KLHL24: variants seen among roughly 807,000 people sequenced by gnomAD.
KLHL24 encodes kelch like family member 24, also known as kelch-like protein 24.
Under a neutral mutation model 53.4 loss-of-function variants are expected in KLHL24, and 29 were observed. That is an observed-to-expected ratio of 0.54 (90% CI 0.40 to 0.74). The LOEUF is 0.74. KLHL24 is among the 30% of genes least tolerant of loss of function. The probability of loss-of-function intolerance (pLI) is 0.00; values close to 1 mark genes in which losing one functional copy is unlikely to be tolerated. For synonymous variants in KLHL24, 222 were observed against 253.7 expected (o/e 0.88, Z 1.19); for missense variants, 504 against 744.0 (o/e 0.68, Z 3.75).
intron 2 of KLHL24, among the ~76,000 whole-genome samples, chr3:183,647,063 G>A (rs1474587412): frequency 6.7e-6 from 1 of 149,410 alleles, no homozygotes; most frequent in Non-Finnish European, 1.5e-5. Context: ...CACCCGCCTC[G>A]GTCTTCCAAA....
At chr3:183,672,940 A>G (rs1721541762) in intron 7 of KLHL24, 1 of 151,894 alleles carries the variant, frequency 6.6e-6, no homozygotes, top group Non-Finnish European at 1.5e-5. Context: ...GGTCGCGGTG[A>G]GCCGAGATCG....
chr3:183,659,943 G>A (rs1303005950), intron 3 of KLHL24, among the ~76,000 whole-genome samples: 5 of 152,056 alleles, frequency 3.3e-5, no homozygotes, highest in African/African-American at 9.7e-5. Flanking sequence ...AATAGCAACC[G>A]TTAATAGTAA....
At chr3:183,641,792 T>C (rs1187571939) in intron 1 of KLHL24, among the ~76,000 whole-genome samples, 1 of 152,178 alleles carries the variant, frequency 6.6e-6, no homozygotes, top group Non-Finnish European at 1.5e-5. Flanking sequence ...ATAGAATTTC[T>C]GCATTCTAAA....
At chr3:183,636,833 G>A (rs528684180) in intron 1 of KLHL24, among the ~76,000 whole-genome samples, 254 of 151,702 alleles carry the variant, frequency 1.7e-3, no homozygotes, top group Middle Eastern at 0.014. Flanking sequence ...CGGGAGGCGC[G>A]CGCTCCCGCC....
At chr3:183,676,073 A>C (rs1053188277) in intron 7 of KLHL24, among the ~76,000 whole-genome samples, 1 of 152,192 alleles carries the variant, frequency 6.6e-6, no homozygotes, top group African/African-American at 2.4e-5. Context: ...TTGAAGTTCA[A>C]ATCTAGTACT....
At position 183,682,083 on chromosome 3, in the gene KLHL24, A is replaced by T. The variant is rs893014406; in HGVS notation, c.*2797A>T. ...ATTTCTAGAACTTTTTACATTTGAA[A>T]GTACATGATGAGTATTAGTAACGAT... On this transcript the variant is annotated 3_prime_UTR_variant, in exon 8 of 8. Coordinates refer to ENST00000242810, the MANE Select transcript of KLHL24 (RefSeq NM_017644.3). 7 of 152,174 alleles carry T rather than the reference A, an allele frequency of 4.6e-5. No individual in the cohort carries two copies. The highest frequency in any genetic ancestry group is 1.0e-4 in the Non-Finnish European group (7 of 67,996). 9.4% of individuals were successfully genotyped at this position (152,174 alleles called of 1,614,324 possible).
rs78489709 is a variant in KLHL24, at chr3:183,649,810, C to G, written c.-61-486C>G. 2.0e-5 allele frequency among the ~76,000 whole-genome samples: 3 copies of G among 152,092 alleles called. No homozygotes were observed. In the South Asian group the frequency reaches 6.2e-4, roughly 32 times the overall value. On this transcript the variant is annotated intron_variant, in intron 2 of 7. Transcript: ENST00000242810. Reference sequence around the variant, plus strand: ...ACTCAGGAGGCTGAGGCAGGAAGATCGCTTGAGCCTAGGAGTTTGAGGTTA... The same window carrying G: ...ACTCAGGAGGCTGAGGCAGGAAGATGGCTTGAGCCTAGGAGTTTGAGGTTA...
chr3:183,642,828 TCA>T (rs1716661370), intron 1 of KLHL24: 3 of 142,378 alleles, frequency 2.1e-5, no homozygotes, highest in Non-Finnish European at 1.5e-5. Flanking sequence ...TATTCAAATA[TCA>T]CAGAGTGTAT....
chr3:183,674,287 C>CTT (rs1438876802), intron 7 of KLHL24, among the ~76,000 whole-genome samples: 2 of 149,514 alleles, frequency 1.3e-5, no homozygotes, highest in African/African-American at 5.0e-5. Flanking sequence ...TTCTTTCTTT[C>CTT]TTTCTTTCTT....
chr3:183,646,361 C>CAAA (rs35945634), intron 2 of KLHL24, among the ~76,000 whole-genome samples: 17 of 66,710 alleles, frequency 2.5e-4, no homozygotes, highest in East Asian at 4.2e-4. Context: ...GACTCCATCT[C>CAAA]AAAAAAAAAA....
intron 3 of KLHL24, among the ~76,000 whole-genome samples, chr3:183,655,355 G>A (rs1718695530): frequency 2.0e-5 from 3 of 152,180 alleles, no homozygotes; most frequent in Admixed American, 2.0e-4. Context: ...GGCCAGGTGT[G>A]GTAGCTCACA....
intron 5 of KLHL24, among the ~76,000 whole-genome samples, chr3:183,670,680 C>T (rs1253406510): frequency 6.6e-6 from 1 of 152,116 alleles, no homozygotes; most frequent in Non-Finnish European, 1.5e-5. Flanking sequence ...AGCAGTATTA[C>T]CCCCAAGGGG....
At chr3:183,668,764 G>C (rs1214936921) in intron 5 of KLHL24, among the ~76,000 whole-genome samples, 1 of 152,132 alleles carries the variant, frequency 6.6e-6, no homozygotes, top group Non-Finnish European at 1.5e-5. Flanking sequence ...AATTAGCTGG[G>C]CATAGTGGCG....
intron 3 of KLHL24, among the ~76,000 whole-genome samples, chr3:183,656,605 T>G (rs1718934250): frequency 6.6e-6 from 1 of 152,198 alleles, no homozygotes; most frequent in African/African-American, 2.4e-5. Context: ...CATCTCAGTA[T>G]GCTAAGTGCT....
rs1285772332 is a variant in KLHL24 at position 183,680,057 on chromosome 3, T to G, written c.*771T>G. 1 of 152,206 alleles carries G rather than the reference T, an allele frequency of 6.6e-6. No homozygotes were observed. Among genetic ancestry groups the G allele is most frequent in the Non-Finnish European group, 1.5e-5 (1 of 68,042 alleles). 9.4% of individuals were successfully genotyped at this position (152,206 alleles called of 1,614,324 possible). ...CTCAAAGTTTTTATGCATCATCTCT[T>G]CAATCCTCTAAGAAAGCCTCTTTTC... On this transcript the variant is annotated 3_prime_UTR_variant, in exon 8 of 8. Coordinates refer to ENST00000242810, the MANE Select transcript of KLHL24 (RefSeq NM_017644.3).
chr3:183,665,202 C>G (rs1052635269), intron 5 of KLHL24, among the ~76,000 whole-genome samples, 163 bp downstream of exon 5: 1 of 152,142 alleles, frequency 6.6e-6, no homozygotes, highest in Admixed American at 6.5e-5. Flanking sequence ...CAATATGACA[C>G]TGTACTTTTG....
intron 3 of KLHL24, among the ~76,000 whole-genome samples, chr3:183,657,429 T>C (rs1719070373): frequency 6.6e-6 from 1 of 152,170 alleles, no homozygotes; most frequent in Non-Finnish European, 1.5e-5. Flanking sequence ...TACCTGATAA[T>C]CAGTTACTAT....
chr3:183,663,543 G>A lies in KLHL24; in HGVS notation c.1006G>A (p.Asp336Asn), dbSNP rs1394330213. Residue 336 changes from aspartate to asparagine, a missense_variant, in exon 4 of 8, where the codon GAT (aspartate) becomes AAT (asparagine). Physicochemically the swap from Asp to Asn is conservative, Grantham distance 23 (BLOSUM62 1). Coordinates refer to ENST00000242810, the MANE Select transcript of KLHL24 (RefSeq NM_017644.3). The surrounding 1 kb of genome is among the most constrained non-coding windows in gnomAD (Gnocchi z 4.9). ...TAATCTTCCATACACTGAGTGCTAC[G>A]ATCCTGTAACAGGAGAATGGAAGTC... The part of the protein sequence containing the change: ...GFNLPYTECY[D>N]PVTGEWKSLA... The A allele has an allele frequency of 3.7e-6, 6 of 1,609,204 alleles. No individual in the cohort carries two copies. Among genetic ancestry groups the A allele is most frequent in the South Asian group, 1.1e-5 (1 of 90,190 alleles).
In KLHL24 at chr3:183,680,340, G is replaced by A. The variant is rs1712552511; in HGVS notation, c.*1054G>A. 1 of 152,166 alleles carries A rather than the reference G, an allele frequency of 6.6e-6. No homozygotes were observed. The highest frequency in any genetic ancestry group is 1.5e-5 in the Non-Finnish European group (1 of 68,052). The allele number at this position is 152,166 out of a possible 1,614,324, so 9.4% of individuals were successfully genotyped here. A position where few individuals can be genotyped will look rare whatever the true frequency, so the allele number is the denominator to read the frequency against. On this transcript the variant is annotated 3_prime_UTR_variant, in exon 8 of 8. Transcript: ENST00000242810. ...GGGATAGGTTTTCCTTCCTAGCCCA[G>A]TAGAGTTTGACCTCATTAGTATGGT...
Sources: gnomAD v4.1 joint callset for allele counts (sites outside exome capture counted in the v4.1 genomes callset) on GRCh38, gnomAD v4.1.1 for gene constraint, Gnocchi (gnomAD v3.1) non-coding constraint, MANE v1.5 for transcripts, NCBI Gene and HGNC (gene_info 2026-07-23, HGNC 2026-07-21) for gene names.